Variants in PRICKLE2 observed in about 807,000 individuals in gnomAD.
PRICKLE2 encodes the protein prickle planar cell polarity protein 2, also known as prickle-like protein 2.
A neutral mutation model predicts 81.4 loss-of-function variants in PRICKLE2; 21 were observed. The observed-to-expected ratio is 0.26, with a 90% CI of 0.18 to 0.37. The LOEUF (loss-of-function observed/expected upper bound fraction) is 0.37, where lower values mean the gene tolerates loss of function less well. Ranked by LOEUF, PRICKLE2 falls within the 10% of genes least tolerant of loss-of-function variation. The pLI is 1.00. For synonymous variants in PRICKLE2, 456 were observed against 421.5 expected (o/e 1.08, Z -1.00); for missense variants, 940 against 1,109.0 (o/e 0.85, Z 2.16).
rs934193331 is a variant in PRICKLE2 at position 64,097,759 on chromosome 3, T to C, written c.*1292A>G. 1.3e-5 allele frequency: 2 copies of C among 152,656 alleles called. No individual in the cohort carries two copies. The highest frequency in any genetic ancestry group is 2.9e-5 in the Non-Finnish European group (2 of 68,052). The allele number at this position is 152,656 out of a possible 1,614,324, so 9.5% of individuals were successfully genotyped here. ...TTACTAAGCTGGTTACACTGGACTC[T>C]TTCTACAATCTCTGGGAGCTCTTCG... On this transcript the variant is annotated 3_prime_UTR_variant, in exon 8 of 8. Coordinates refer to ENST00000638394, the MANE Select transcript of PRICKLE2 (RefSeq NM_198859.4).
At chr3:64,105,497 T>A (rs2076740333) in intron 7 of PRICKLE2, among the ~76,000 whole-genome samples, 2 of 152,048 alleles carry the variant, frequency 1.3e-5, no homozygotes, top group South Asian at 4.2e-4. Context: ...CAACCTGGAG[T>A]GGGTCAGTGC....
chr3:64,191,689 T>G (rs147060849), intron 2 of PRICKLE2, among the ~76,000 whole-genome samples: 1 of 152,324 alleles, frequency 6.6e-6, no homozygotes, highest in East Asian at 1.9e-4. Flanking sequence ...TACTTTTCCA[T>G]CATCATTGTC....
At chr3:64,136,938 A>T (rs1236747702) in intron 7 of PRICKLE2, among the ~76,000 whole-genome samples, 2 of 152,262 alleles carry the variant, frequency 1.3e-5, no homozygotes, top group African/African-American at 2.4e-5. Flanking sequence ...GTCATTAAAA[A>T]TGATGGTTAC....
chr3:64,126,654 T>G (rs1343654606), intron 7 of PRICKLE2, among the ~76,000 whole-genome samples: 2 of 152,176 alleles, frequency 1.3e-5, no homozygotes, highest in Admixed American at 6.5e-5. Context: ...CTCAGCTCAC[T>G]GCAACCTCCG....
At chr3:64,151,738 G>A (rs948204750) in intron 6 of PRICKLE2, among the ~76,000 whole-genome samples, 15 of 152,236 alleles carry the variant, frequency 9.9e-5, no homozygotes, top group Admixed American at 5.9e-4. Flanking sequence ...TTCCACACAC[G>A]TCTTGTCACT....
chr3:64,186,841 G>A (rs185278014), intron 2 of PRICKLE2, among the ~76,000 whole-genome samples: 27 of 152,160 alleles, frequency 1.8e-4, no homozygotes, highest in Admixed American at 1.8e-3. Flanking sequence ...GCGTCATAAG[G>A]CAGAGGAGAT....
chr3:64,204,932 T>C lies in PRICKLE2; in HGVS notation c.-40-5965A>G, dbSNP rs116409431. Among the ~76,000 whole-genome samples, 400 of 152,240 alleles carry C rather than the reference T, an allele frequency of 2.6e-3. 3 individuals carry two copies. Among genetic ancestry groups the C allele is most frequent in the African/African-American group, 9.2e-3 (380 of 41,526 alleles). ...CTCTTCATTCCTGCATCTCTCCCCC[T>C]TTGGCAAAATGCACACAGCAACACC... On this transcript the variant is annotated intron_variant, in intron 1 of 7. Coordinates refer to ENST00000638394, the MANE Select transcript of PRICKLE2 (RefSeq NM_198859.4).
chr3:64,213,721 G>C (rs114415099), intron 1 of PRICKLE2, among the ~76,000 whole-genome samples: 1 of 152,028 alleles, frequency 6.6e-6, no homozygotes, highest in Non-Finnish European at 1.5e-5. Context: ...CATTTTCTGA[G>C]TATGTGCCAA....
chr3:64,155,222 T>A (rs946224417), intron 5 of PRICKLE2, among the ~76,000 whole-genome samples: 1 of 148,748 alleles, frequency 6.7e-6, no homozygotes, highest in Non-Finnish European at 1.5e-5. Context: ...ATTAAAAAAA[T>A]TTTTTCAGAC....
At chr3:64,157,110 T>C in intron 5 of PRICKLE2, 52 bp downstream of exon 5, 3 of 1,502,806 alleles carry the variant, frequency 2.0e-6, no homozygotes, top group African/African-American at 1.4e-5. Context: ...GTGTTGGCTA[T>C]GGTGCAATGA....
chr3:64,117,368 A>G (rs2076952640), intron 7 of PRICKLE2, among the ~76,000 whole-genome samples: 1 of 152,166 alleles, frequency 6.6e-6, no homozygotes, highest in African/African-American at 2.4e-5. Flanking sequence ...GGCAAGAGAA[A>G]GAAATAAAAG....
At chr3:64,216,370 G>T (rs2078872044) in intron 1 of PRICKLE2, among the ~76,000 whole-genome samples, 1 of 152,158 alleles carries the variant, frequency 6.6e-6, no homozygotes, top group African/African-American at 2.4e-5. Flanking sequence ...GTCCTTTGCT[G>T]TCCAGGGATC....
chr3:64,198,631 T>G (rs2078508163), intron 2 of PRICKLE2, 153 bp downstream of exon 2: 2 of 775,970 alleles, frequency 2.6e-6, no homozygotes, highest in Admixed American at 3.9e-5. Context: ...TTCCTCATTT[T>G]CCACTGGGGC....
intron 1 of PRICKLE2, among the ~76,000 whole-genome samples, chr3:64,210,535 G>T (rs1483771009): frequency 6.6e-6 from 1 of 152,150 alleles, no homozygotes; most frequent in Non-Finnish European, 1.5e-5. Flanking sequence ...CTTCCGGCTG[G>T]GCTCCAGCGG....
intron 2 of PRICKLE2, among the ~76,000 whole-genome samples, chr3:64,266,230 C>T (rs1203626410): frequency 6.6e-6 from 1 of 151,898 alleles, no homozygotes; most frequent in Non-Finnish European, 1.5e-5. Flanking sequence ...CCAAATGATT[C>T]ACACTCTTAA....
At chr3:64,242,012 T>C (rs1406811301) in intron 2 of PRICKLE2, among the ~76,000 whole-genome samples, 1 of 152,114 alleles carries the variant, frequency 6.6e-6, no homozygotes, top group Non-Finnish European at 1.5e-5. Flanking sequence ...AATCCCTCCA[T>C]GTATATTATT....
At chr3:64,215,867 A>G (rs1389798247) in intron 1 of PRICKLE2, among the ~76,000 whole-genome samples, 1 of 152,266 alleles carries the variant, frequency 6.6e-6, no homozygotes, top group African/African-American at 2.4e-5. Context: ...GAACGCCTCA[A>G]GTACAGAAAT....
At chr3:64,170,791 C>T (rs145484143) in intron 2 of PRICKLE2, among the ~76,000 whole-genome samples, 2 of 151,742 alleles carry the variant, frequency 1.3e-5, no homozygotes, top group Non-Finnish European at 2.9e-5. Context: ...GGGAGGATCA[C>T]TTGAGTCTGG....
At chr3:64,229,040 T>C (rs1443447450), upstream of PRICKLE2, among the ~76,000 whole-genome samples, 2 of 152,036 alleles carry the variant, frequency 1.3e-5, no homozygotes, top group African/African-American at 2.4e-5. Flanking sequence ...AATCCAGAAG[T>C]AGAAAAAGGC....
Sources: allele counts gnomAD v4.1 joint callset (sites outside exome capture counted in the v4.1 genomes callset), GRCh38; gene constraint gnomAD v4.1.1; transcripts MANE v1.5; gene names NCBI Gene and HGNC (gene_info 2026-07-23, HGNC 2026-07-21).